The following RALGPS1 variants were observed in gnomAD, a reference collection of about 807,000 sequenced individuals.
RALGPS1 encodes the protein ras-specific guanine nucleotide-releasing factor RalGPS1.
A neutral mutation model predicts 78.8 loss-of-function variants in RALGPS1; 19 were observed. That is an observed-to-expected ratio of 0.24 (90% CI 0.17 to 0.35). RALGPS1 has a LOEUF of 0.35. Ranked by LOEUF, RALGPS1 falls within the 10% of genes least tolerant of loss-of-function variation. RALGPS1 has a pLI of 1.00. For missense variants in RALGPS1, 454 were observed against 688.3 expected (o/e 0.66, Z 3.81); for synonymous variants, 228 against 256.3 (o/e 0.89, Z 1.06).
intron 11 of RALGPS1, chr9:127,178,030 A>C: frequency 6.7e-7 from 1 of 1,501,864 alleles, no homozygotes; most frequent in Non-Finnish European, 9.0e-7. Flanking sequence ...CGAGGCACCC[A>C]TGGGCCGGCC....
chr9:127,216,760 G>A, intron 18 of RALGPS1: 1 of 676,128 alleles, frequency 1.5e-6, no homozygotes, highest in Non-Finnish European at 2.2e-6. Context: ...GAACAAGGCT[G>A]CCGCCGCCCC....
At chr9:127,052,822 A>T in intron 6 of RALGPS1, 25 bp from the exon 7 acceptor site, 1 of 1,468,362 alleles carries the variant, frequency 6.8e-7, no homozygotes, top group East Asian at 2.3e-5. Context: ...GCAGCAAAAT[A>T]ATCTATTCCA....
intron 8 of RALGPS1, among the ~76,000 whole-genome samples, chr9:127,073,995 C>T (rs1197953499): frequency 6.6e-6 from 1 of 152,196 alleles, no homozygotes; most frequent in African/African-American, 2.4e-5. Context: ...AATTCTCCTT[C>T]CTCAGCCTTC....
At chr9:127,037,643 T>TTTCC (rs1159248984) in intron 5 of RALGPS1, among the ~76,000 whole-genome samples, 1 of 152,232 alleles carries the variant, frequency 6.6e-6, no homozygotes. Context: ...TCTGAGCTGG[T>TTTCC]TCTACCTCAG....
chr9:127,150,531 A>T (rs1051730678), intron 8 of RALGPS1, among the ~76,000 whole-genome samples: 5 of 152,220 alleles, frequency 3.3e-5, no homozygotes, highest in Non-Finnish European at 7.3e-5. Flanking sequence ...CATCAGGTGC[A>T]GCCTGTGCAG....
intron 5 of RALGPS1, among the ~76,000 whole-genome samples, chr9:127,048,361 G>A (rs1278030145): frequency 6.6e-6 from 1 of 152,184 alleles, no homozygotes; most frequent in Non-Finnish European, 1.5e-5. Context: ...GCCTTCCTCT[G>A]TCATTACCTC....
intron 11 of RALGPS1, among the ~76,000 whole-genome samples, chr9:127,177,052 C>T (rs573807737): frequency 6.6e-6 from 1 of 152,230 alleles, no homozygotes; most frequent in Non-Finnish European, 1.5e-5. Flanking sequence ...GCACTCACCA[C>T]AACTTGTCAT....
intron 13 of RALGPS1, 130 bp downstream of exon 13, chr9:127,196,761 C>A: frequency 8.8e-7 from 1 of 1,131,384 alleles, no homozygotes; most frequent in Non-Finnish European, 1.2e-6. Flanking sequence ...GGCCCCTCAC[C>A]TCCCTGCAGA....
chr9:126,927,305 G>A (rs1172418732), intron 1 of RALGPS1, among the ~76,000 whole-genome samples: 2 of 152,104 alleles, frequency 1.3e-5, no homozygotes, highest in African/African-American at 4.8e-5. Flanking sequence ...GCTGGGGAGC[G>A]TCAGCATGAG....
chr9:126,973,332 C>T (rs990536116), intron 3 of RALGPS1, among the ~76,000 whole-genome samples: 3 of 152,172 alleles, frequency 2.0e-5, no homozygotes, highest in African/African-American at 7.2e-5. Context: ...GATCACACCA[C>T]TGCATTCAAG....
rs574714934 is a variant in RALGPS1, at chr9:126,994,947, G to C, written c.216+17202G>C. Among the ~76,000 whole-genome samples the C allele has an allele frequency of 9.3e-4, 141 of 152,226 alleles. 1 individual carries two copies. The highest frequency in any genetic ancestry group is 3.4e-3 in the Middle Eastern group (1 of 294). On this transcript the variant is annotated intron_variant, in intron 4 of 18. Transcript: ENST00000259351. ...GCCAAACTAAGCTTCATAAGTGAAG[G>C]AGAAATAAAACACTTTACAGACAAG...
chr9:127,090,946 G>GT (rs1163802312), intron 8 of RALGPS1, among the ~76,000 whole-genome samples: 2 of 152,122 alleles, frequency 1.3e-5, no homozygotes, highest in Non-Finnish European at 1.5e-5. Context: ...CTTGTTTTTT[G>GT]TTTAATAAAG....
chr9:127,132,333 C>G (rs1352564350), intron 8 of RALGPS1, among the ~76,000 whole-genome samples: 1 of 152,052 alleles, frequency 6.6e-6, no homozygotes, highest in African/African-American at 2.4e-5. Context: ...ATAAAGGGTA[C>G]GTTAAAAAAA....
At chr9:127,189,850 G>T (rs146420765) in intron 11 of RALGPS1, among the ~76,000 whole-genome samples, 3 of 152,328 alleles carry the variant, frequency 2.0e-5, no homozygotes, top group African/African-American at 7.2e-5. Context: ...CCCATATGCA[G>T]CCCCCTGGTC....
At chr9:127,089,435 G>A (rs1021474419) in intron 8 of RALGPS1, among the ~76,000 whole-genome samples, 3 of 152,234 alleles carry the variant, frequency 2.0e-5, no homozygotes, top group Admixed American at 6.5e-5. Flanking sequence ...GCGGCTCTGA[G>A]GATTGAATGA....
intron 4 of RALGPS1, among the ~76,000 whole-genome samples, chr9:126,992,663 A>G (rs1307489152): frequency 5.3e-5 from 8 of 152,354 alleles, no homozygotes; most frequent in Admixed American, 1.3e-4. Context: ...ATGTAACTCC[A>G]TGTATTAAGG....
At chr9:127,035,168 C>T (rs888393475) in intron 5 of RALGPS1, among the ~76,000 whole-genome samples, 1 of 152,176 alleles carries the variant, frequency 6.6e-6, no homozygotes, top group African/African-American at 2.4e-5. Context: ...CACCACCTTG[C>T]CCAATGTCAG....
chr9:127,047,616 T>C (rs1171931559), intron 5 of RALGPS1, among the ~76,000 whole-genome samples: 1 of 151,846 alleles, frequency 6.6e-6, no homozygotes, highest in East Asian at 1.9e-4. Flanking sequence ...GGAGAATCGC[T>C]TGATCCCAGG....
intron 5 of RALGPS1, among the ~76,000 whole-genome samples, chr9:127,046,552 A>G (rs2047793616): frequency 1.3e-5 from 2 of 152,168 alleles, no homozygotes; most frequent in Non-Finnish European, 2.9e-5. Flanking sequence ...ACCAATGTCT[A>G]CATGCTCTTG....
Sources: gnomAD v4.1 joint callset for allele counts (sites outside exome capture counted in the v4.1 genomes callset) on GRCh38, gnomAD v4.1.1 for gene constraint, MANE v1.5 for transcripts, NCBI Gene and HGNC (gene_info 2026-07-23, HGNC 2026-07-21) for gene names.